The following PCSK2 variants were observed in gnomAD, a reference collection of about 807,000 sequenced individuals.
The protein encoded by PCSK2 is neuroendocrine convertase 2.
In PCSK2, 14 loss-of-function variants were observed where a neutral mutation model predicts 69.7. That is an observed-to-expected ratio of 0.20 (90% CI 0.13 to 0.31). The LOEUF (loss-of-function observed/expected upper bound fraction) is 0.31. Ranked by LOEUF, PCSK2 falls within the 10% of genes least tolerant of loss-of-function variation. The pLI, the probability that PCSK2 is intolerant of heterozygous loss-of-function variation, is 1.00. For missense variants in PCSK2, 544 were observed against 842.5 expected (o/e 0.65, Z 4.39); for synonymous variants, 307 against 320.7 (o/e 0.96, Z 0.46).
chr20:17,463,048 TCA>T (rs1326660801), intron 10 of PCSK2, among the ~76,000 whole-genome samples: 4 of 152,244 alleles, frequency 2.6e-5, no homozygotes, highest in Admixed American at 1.3e-4. Flanking sequence ...TGTCATAGAC[TCA>T]GTTACACTGG....
intron 11 of PCSK2, among the ~76,000 whole-genome samples, chr20:17,466,046 A>G (rs1158648345): frequency 2.6e-5 from 4 of 152,142 alleles, no homozygotes; most frequent in Non-Finnish European, 5.9e-5. Flanking sequence ...ATTTACATAG[A>G]ACACAGAACC....
At chr20:17,277,550 C>T (rs1376671032) in intron 2 of PCSK2, among the ~76,000 whole-genome samples, 2 of 152,100 alleles carry the variant, frequency 1.3e-5, no homozygotes, top group African/African-American at 4.8e-5. Context: ...CCTCCTTACA[C>T]CTTATACAAA....
chr20:17,476,272 T>C (rs1018052161), intron 11 of PCSK2, among the ~76,000 whole-genome samples: 5 of 152,216 alleles, frequency 3.3e-5, no homozygotes, highest in Admixed American at 6.5e-5. Flanking sequence ...GTTGTTCTTA[T>C]CAGATTCAAA....
intron 2 of PCSK2, among the ~76,000 whole-genome samples, chr20:17,351,641 CA>C (rs1359828717): frequency 6.8e-6 from 1 of 148,140 alleles, no homozygotes; most frequent in Non-Finnish European, 1.5e-5. Flanking sequence ...TAATAAAATC[CA>C]TCATGCCTTC....
intron 2 of PCSK2, among the ~76,000 whole-genome samples, chr20:17,290,294 G>A (rs991456966): frequency 2.0e-5 from 3 of 152,056 alleles, no homozygotes; most frequent in Admixed American, 6.5e-5. Flanking sequence ...TCATCTTTTG[G>A]GAAGTGCTCC....
intron 2 of PCSK2, among the ~76,000 whole-genome samples, chr20:17,331,332 C>T (rs1011798241): frequency 2.6e-5 from 4 of 152,130 alleles, no homozygotes; most frequent in Admixed American, 1.3e-4. Context: ...ATGAGTGTCA[C>T]CTTCATTTTA....
intron 1 of PCSK2, among the ~76,000 whole-genome samples, chr20:17,244,016 G>A (rs1986683207): frequency 6.6e-6 from 1 of 152,090 alleles, no homozygotes; most frequent in Admixed American, 6.6e-5. Context: ...AGTGATGTCT[G>A]TAAATTAGAA....
intron 2 of PCSK2, among the ~76,000 whole-genome samples, chr20:17,353,951 T>C (rs114304373): frequency 0.013 from 1,911 of 152,124 alleles, 14 homozygotes; most frequent in East Asian, 0.034. Context: ...AAACATTAGG[T>C]ACACATGGGC....
chr20:17,253,078 A>G (rs2122980855), intron 1 of PCSK2, among the ~76,000 whole-genome samples: 1 of 152,324 alleles, frequency 6.6e-6, no homozygotes, highest in South Asian at 2.1e-4. Flanking sequence ...TATCAAAATG[A>G]TAAGTGTTCA....
intron 1 of PCSK2, among the ~76,000 whole-genome samples, chr20:17,236,401 AT>A (rs1396635871): frequency 1.3e-5 from 2 of 152,124 alleles, no homozygotes; most frequent in African/African-American, 2.4e-5. Flanking sequence ...GGTTACATAT[AT>A]TTAATTACAT....
At chr20:17,298,335 A>T (rs1220700519) in intron 2 of PCSK2, among the ~76,000 whole-genome samples, 1 of 152,290 alleles carries the variant, frequency 6.6e-6, no homozygotes, top group East Asian at 1.9e-4. Context: ...GGTTCTCACC[A>T]CATAGAAATG....
Position 17,227,176 on chromosome 20 carries a change from A to G in PCSK2, c.-130A>G. The G allele has an allele frequency of 1.6e-6, 1 of 625,424 alleles. No individual in the cohort carries two copies. The highest frequency in any genetic ancestry group is 2.8e-5 in the East Asian group (1 of 36,168). The allele number at this position is 625,424 out of a possible 1,614,324, so 38.7% of individuals were successfully genotyped here. A position where few individuals can be genotyped will look rare whatever the true frequency, so the allele number is the denominator to read the frequency against. ...TTCGCTGCTTTCCAAGACCCTGTTC[A>G]GTCTCTTTCTCTATACAAAGATTTT... On this transcript the variant is annotated 5_prime_UTR_variant, in exon 1 of 12. Transcript: ENST00000262545.
intron 4 of PCSK2, among the ~76,000 whole-genome samples, chr20:17,362,095 A>T (rs2030416560): frequency 6.6e-6 from 1 of 152,192 alleles, no homozygotes; most frequent in Admixed American, 6.5e-5. Context: ...CTCTTAGGAA[A>T]CCTCCAAGAG....
intron 2 of PCSK2, among the ~76,000 whole-genome samples, chr20:17,284,821 C>G (rs1257086561): frequency 6.6e-6 from 1 of 152,088 alleles, no homozygotes; most frequent in Non-Finnish European, 1.5e-5. Context: ...TGGGCTGAAG[C>G]ATGGAGATTG....
In PCSK2 at chr20:17,294,000, C is replaced by A. The variant is rs865878506; in HGVS notation, c.282+33656C>A. Among the ~76,000 whole-genome samples, 11 of 151,826 alleles carry A rather than the reference C, an allele frequency of 7.2e-5. No individual in the cohort carries two copies. In the South Asian group the frequency reaches 2.1e-3, roughly 29 times the overall value. On this transcript the variant is annotated intron_variant, in intron 2 of 11. Coordinates refer to ENST00000262545, the MANE Select transcript of PCSK2 (RefSeq NM_002594.5). ...GCTTACTGTCTATTTAGGTTTCTAC[C>A]ATTTCGTTAGTCATTTTTGGTAATT... is the stretch of plus-strand genomic sequence containing the variant.
intron 2 of PCSK2, among the ~76,000 whole-genome samples, chr20:17,272,599 C>A (rs1340612058): frequency 6.6e-6 from 1 of 151,986 alleles, no homozygotes; most frequent in African/African-American, 2.4e-5. Context: ...TGATCAGCAT[C>A]AATATCTTCA....
chr20:17,375,219 G>A (rs1293030546), intron 5 of PCSK2, among the ~76,000 whole-genome samples: 1 of 152,132 alleles, frequency 6.6e-6, no homozygotes, highest in Non-Finnish European at 1.5e-5. Flanking sequence ...AAGCAGGGGT[G>A]TGCCTCAAGA....
chr20:17,392,918 C>T (rs6034815), intron 5 of PCSK2, among the ~76,000 whole-genome samples: 13,996 of 152,066 alleles, frequency 0.092, 1,085 homozygotes, highest in African/African-American at 0.21. Context: ...TTTAGATGTC[C>T]TCTGTCTTGG....
At chr20:17,428,426 A>G (rs1312174083) in intron 6 of PCSK2, among the ~76,000 whole-genome samples, 1 of 146,378 alleles carries the variant, frequency 6.8e-6, no homozygotes, top group Admixed American at 6.8e-5. Context: ...GTGTGTGTGT[A>G]TTTTCAATCC....
Sources: gnomAD v4.1 joint callset for allele counts (sites outside exome capture counted in the v4.1 genomes callset) on GRCh38, gnomAD v4.1.1 for gene constraint, MANE v1.5 for transcripts, NCBI Gene and HGNC (gene_info 2026-07-23, HGNC 2026-07-21) for gene names.